PALLD: variants seen among roughly 807,000 people sequenced by gnomAD.
The protein encoded by PALLD is palladin, cytoskeletal associated protein.
A neutral mutation model predicts 123.5 loss-of-function variants in PALLD; 61 were observed. That is an observed-to-expected ratio of 0.49 (90% CI 0.40 to 0.61). PALLD has a LOEUF of 0.61. Ranked by LOEUF, PALLD falls within the 20% of genes least tolerant of loss-of-function variation. PALLD has a pLI of 0.00. For missense variants in PALLD, 1,273 were observed against 1,377.0 expected (o/e 0.92, Z 1.20); for synonymous variants, 465 against 496.4 (o/e 0.94, Z 0.84).
At chr4:168,660,926 A>G (rs1779070863) in intron 2 of PALLD, among the ~76,000 whole-genome samples, 1 of 149,282 alleles carries the variant, frequency 6.7e-6, no homozygotes, top group Non-Finnish European at 1.5e-5. Context: ...TTTTTTTGAG[A>G]CAGAGTCTCG....
At chr4:168,894,807 TATC>T (rs1303762973) in intron 12 of PALLD, 130 bp downstream of exon 12, 79 of 1,462,234 alleles carry the variant, frequency 5.4e-5, no homozygotes, top group Non-Finnish European at 6.3e-5. Flanking sequence ...GCAGTATTAA[TATC>T]ATCAGTCAAC....
intron 10 of PALLD, among the ~76,000 whole-genome samples, chr4:168,859,172 G>A (rs949495033): frequency 5.3e-5 from 8 of 152,184 alleles, no homozygotes; most frequent in African/African-American, 1.9e-4. Flanking sequence ...TGAGAGAAAA[G>A]TCAAATTCAT....
intron 18 of PALLD, among the ~76,000 whole-genome samples, chr4:168,922,856 G>A (rs1393348664): frequency 6.6e-6 from 1 of 152,186 alleles, no homozygotes; most frequent in Non-Finnish European, 1.5e-5. Context: ...TGGCACTCCT[G>A]TCAGAAGACG....
chr4:168,676,579 TA>T (rs922213906), intron 3 of PALLD, among the ~76,000 whole-genome samples: 38 of 149,458 alleles, frequency 2.5e-4, no homozygotes, highest in East Asian at 9.7e-4. Context: ...TATATATATT[TA>T]AAAAAAAATT....
chr4:168,794,623 G>A (rs1738225755), intron 10 of PALLD, among the ~76,000 whole-genome samples: 2 of 151,618 alleles, frequency 1.3e-5, no homozygotes, highest in Non-Finnish European at 2.9e-5. Flanking sequence ...TGGCTCTGTG[G>A]ACATAACCTA....
chr4:168,895,534 T>C (rs1473464380), intron 12 of PALLD, among the ~76,000 whole-genome samples: 2 of 152,198 alleles, frequency 1.3e-5, no homozygotes, highest in Non-Finnish European at 2.9e-5. Context: ...AGTCTTAAAG[T>C]AAGCTAGAGA....
intron 10 of PALLD, among the ~76,000 whole-genome samples, chr4:168,873,559 GT>G (rs1751357909): frequency 6.6e-6 from 1 of 152,144 alleles, no homozygotes; most frequent in African/African-American, 2.4e-5. Context: ...CATAAAAGTT[GT>G]TTTCCAGAAG....
chr4:168,528,046 C>T (rs1338095629), intron 2 of PALLD, among the ~76,000 whole-genome samples: 1 of 152,208 alleles, frequency 6.6e-6, no homozygotes, highest in Non-Finnish European at 1.5e-5. Context: ...TTTCCTCATA[C>T]TCTGACGATA....
chr4:168,842,626 C>A (rs1746196116), intron 10 of PALLD, among the ~76,000 whole-genome samples: 1 of 152,250 alleles, frequency 6.6e-6, no homozygotes, highest in African/African-American at 2.4e-5. Context: ...AGACAACCTA[C>A]ATTGCCTTGA....
chr4:168,909,430 T>C (rs1758454438), intron 15 of PALLD, among the ~76,000 whole-genome samples: 1 of 152,210 alleles, frequency 6.6e-6, no homozygotes. Flanking sequence ...GGATGTTTAA[T>C]ACAGAATCAC....
At chr4:168,841,387 T>C (rs1049690462) in intron 10 of PALLD, among the ~76,000 whole-genome samples, 2 of 152,234 alleles carry the variant, frequency 1.3e-5, no homozygotes, top group Non-Finnish European at 2.9e-5. Flanking sequence ...ACTGACTACA[T>C]GTTCAGGAGG....
At chr4:168,689,064 A>G (rs187256852) in intron 6 of PALLD, among the ~76,000 whole-genome samples, 1 of 152,380 alleles carries the variant, frequency 6.6e-6, no homozygotes, top group Admixed American at 6.5e-5. Context: ...AAGAAGAAAG[A>G]ACGCAATCAG....
chr4:168,854,612 G>C (rs112609492), intron 10 of PALLD, among the ~76,000 whole-genome samples: 1,720 of 152,278 alleles, frequency 0.011, 46 homozygotes, highest in African/African-American at 0.039. Flanking sequence ...CTGTCCAGCA[G>C]GTTCAGCTGC....
intron 10 of PALLD, among the ~76,000 whole-genome samples, chr4:168,754,453 A>T (rs1731498314): frequency 1.3e-5 from 2 of 152,228 alleles, no homozygotes; most frequent in South Asian, 2.1e-4. Context: ...ATTGCTGTTG[A>T]CATCTTCCAG....
At chr4:168,671,036 A>AAC (rs1554060638) in intron 3 of PALLD, among the ~76,000 whole-genome samples, 1 of 151,224 alleles carries the variant, frequency 6.6e-6, no homozygotes, top group Admixed American at 6.6e-5. Flanking sequence ...GAAAAAAAAA[A>AAC]TGTAAAATGA....
intron 10 of PALLD, among the ~76,000 whole-genome samples, chr4:168,875,897 G>A (rs1220106731): frequency 3.3e-5 from 5 of 152,220 alleles, no homozygotes; most frequent in African/African-American, 1.2e-4. Context: ...CTCACATCAG[G>A]TACAGAGCGT....
intron 17 of PALLD, among the ~76,000 whole-genome samples, chr4:168,920,477 G>T (rs918499471): frequency 1.3e-4 from 20 of 152,124 alleles, no homozygotes; most frequent in Non-Finnish European, 2.9e-4. Flanking sequence ...ACATCTTTTT[G>T]TATATAACTT....
chr4:168,508,327 T>C (rs1762207929), intron 1 of PALLD, among the ~76,000 whole-genome samples: 1 of 152,212 alleles, frequency 6.6e-6, no homozygotes, highest in African/African-American at 2.4e-5. Flanking sequence ...TTATATAAGC[T>C]TATTATTTAG....
At chr4:168,812,444 G>T (rs546290052) in intron 10 of PALLD, among the ~76,000 whole-genome samples, 3 of 152,334 alleles carry the variant, frequency 2.0e-5, no homozygotes, top group Non-Finnish European at 4.4e-5. Flanking sequence ...AAATAGGGCT[G>T]ATCTGCCTGG....
Sources: allele counts gnomAD v4.1 joint callset (sites outside exome capture counted in the v4.1 genomes callset), GRCh38; gene constraint gnomAD v4.1.1; transcripts MANE v1.5; gene names NCBI Gene and HGNC (gene_info 2026-07-23, HGNC 2026-07-21).